XK: variants seen among roughly 807,000 people sequenced by gnomAD.
XK encodes the protein endoplasmic reticulum membrane adapter protein XK.
A neutral mutation model predicts 14.0 loss-of-function variants in XK; 2 were observed. The ratio of observed to expected loss-of-function variants is 0.14; its 90% CI spans 0.06 to 0.45. The LOEUF (loss-of-function observed/expected upper bound fraction) is 0.45. Ranked by LOEUF, XK falls within the 20% of genes least tolerant of loss-of-function variation. The pLI is 0.98. For missense variants in XK, 235 were observed against 341.5 expected (o/e 0.69, Z 2.46); for synonymous variants, 149 against 147.5 (o/e 1.01, Z -0.08).
At chrX:37,722,152 A>C (rs1556449090) in intron 2 of XK, among the ~76,000 whole-genome samples, 1 of 111,809 alleles carries the variant, frequency 8.9e-6, no homozygotes, top group Non-Finnish European at 1.9e-5. Context: ...AAAATCATTA[A>C]ATTGTTCACT....
chrX:37,713,787 T>A (rs1171938326), intron 2 of XK, among the ~76,000 whole-genome samples: 1 of 111,509 alleles, frequency 9.0e-6, no homozygotes, highest in East Asian at 2.8e-4. Context: ...AGCTTCATCC[T>A]CTTAACCCAA....
intron 2 of XK, among the ~76,000 whole-genome samples, chrX:37,709,103 T>G (rs1240152457): frequency 8.0e-5 from 9 of 112,146 alleles, no homozygotes; most frequent in African/African-American, 2.9e-4. Flanking sequence ...CTTCCCTTAT[T>G]TAATTCCACA....
chrX:37,692,772 TC>T (rs139557973), intron 1 of XK, among the ~76,000 whole-genome samples: 2,754 of 112,328 alleles, frequency 0.025, 39 homozygotes, highest in Non-Finnish European at 0.038. Context: ...CCTCATACAG[TC>T]CTCAGTCATT....
chrX:37,722,488 T>G, intron 2 of XK, among the ~76,000 whole-genome samples: 1 of 111,959 alleles, frequency 8.9e-6, no homozygotes, highest in African/African-American at 3.2e-5. Context: ...CTTTGTTCAC[T>G]GAGTTGAAAG....
chrX:37,707,243 G>A lies in XK; in HGVS notation c.508+12695G>A, dbSNP rs782800459. On this transcript the variant is annotated intron_variant, in intron 2 of 2. Transcript: ENST00000378616. ...GTGACCCCCACCTCCCGGACGGGGC[G>A]GCTGGCCGGGCGGGGGCTGACCCCC... is the stretch of plus-strand genomic sequence containing the variant. Among the ~76,000 whole-genome samples, 777 of 109,548 alleles carry A rather than the reference G, an allele frequency of 7.1e-3. 5 individuals are homozygous for A. The highest frequency in any genetic ancestry group is 0.025 in the African/African-American group (741 of 30,083).
intron 2 of XK, among the ~76,000 whole-genome samples, chrX:37,704,476 G>A (rs1435724403): frequency 9.0e-6 from 1 of 111,302 alleles, no homozygotes; most frequent in Non-Finnish European, 1.9e-5. Context: ...GTTCTGAGCT[G>A]CAGTGAGCTA....
At chrX:37,724,881 CAAATAAGCATATGA>C (rs1476316618) in intron 2 of XK, among the ~76,000 whole-genome samples, 7 of 110,313 alleles carry the variant, frequency 6.3e-5, no homozygotes, top group Admixed American at 3.9e-4. Context: ...GACAAGATGG[CAAATAAGCATATGA>C]AAATATACTC....
rs782254179 is a variant in XK at position 37,731,641 on chromosome X, C to T, written c.*3179C>T. The T allele has an allele frequency of 6.3e-5, 7 of 111,624 alleles. No homozygotes were observed. Among genetic ancestry groups the T allele is most frequent in the Admixed American group, 9.5e-5 (1 of 10,519 alleles). 9.2% of individuals were successfully genotyped at this position (111,624 alleles called of 1,213,427 possible). A position where few individuals can be genotyped will look rare whatever the true frequency, so the allele number is the denominator to read the frequency against. ...ATAAGTAGTGTCATTCATATGAGTT[C>T]CTGAGTGGATATGCGAATCTTTGGT... is the stretch of plus-strand genomic sequence containing the variant. On this transcript the variant is annotated 3_prime_UTR_variant, in exon 3 of 3. Transcript: ENST00000378616.
intron 2 of XK, among the ~76,000 whole-genome samples, chrX:37,726,332 A>G (rs1927972975): frequency 8.9e-6 from 1 of 112,172 alleles, no homozygotes; most frequent in Non-Finnish European, 1.9e-5. Flanking sequence ...ATTTCAAGAT[A>G]TTTTTAAAAA....
intron 2 of XK, among the ~76,000 whole-genome samples, chrX:37,722,492 T>C (rs1434198695): frequency 8.9e-6 from 1 of 111,766 alleles, no homozygotes; most frequent in Non-Finnish European, 1.9e-5. Flanking sequence ...GTTCACTGAG[T>C]TGAAAGAAAA....
At chrX:37,725,592 A>G (rs1290395891) in intron 2 of XK, among the ~76,000 whole-genome samples, 15 of 111,374 alleles carry the variant, frequency 1.3e-4, no homozygotes, top group African/African-American at 4.6e-4. Flanking sequence ...AATCACACCC[A>G]TTGGTATTTA....
At chrX:37,688,063 T>TTTC (rs1569472377) in intron 1 of XK, among the ~76,000 whole-genome samples, 8 of 39,526 alleles carry the variant, frequency 2.0e-4, no homozygotes, top group Non-Finnish European at 5.6e-4. Flanking sequence ...TTCTTTCTTT[T>TTTC]TTTTTTTTTT....
chrX:37,687,928 G>A (rs928004258), intron 1 of XK, among the ~76,000 whole-genome samples: 4 of 111,145 alleles, frequency 3.6e-5, no homozygotes, highest in Non-Finnish European at 5.7e-5. Context: ...ATTTAGTGAG[G>A]AGAGAGTTAG....
At chrX:37,693,907 G>A (rs782586311) in intron 1 of XK, among the ~76,000 whole-genome samples, 53 of 112,381 alleles carry the variant, frequency 4.7e-4, no homozygotes, top group Non-Finnish European at 7.9e-4. Flanking sequence ...ATAGTGGAGG[G>A]AATGTGCTGG....
intron 2 of XK, among the ~76,000 whole-genome samples, chrX:37,702,590 A>C (rs1238029256): frequency 8.9e-6 from 1 of 111,886 alleles, no homozygotes; most frequent in Non-Finnish European, 1.9e-5. Context: ...AAAGGAGGGT[A>C]CACATGATTA....
rs1928102658 is a variant in XK, at chrX:37,732,087, C to G, written c.*3625C>G. On this transcript the variant is annotated 3_prime_UTR_variant, in exon 3 of 3. Transcript: ENST00000378616. ...GTCGTTGATGCTAATAAATATTGTC[C>G]TGTTTCTTCATATAATAAATTAATT... 2 of 111,785 alleles carry G rather than the reference C, an allele frequency of 1.8e-5. No homozygotes were observed. Among genetic ancestry groups the G allele is most frequent in the African/African-American group, 6.5e-5 (2 of 30,840 alleles). 9.2% of individuals were successfully genotyped at this position (111,785 alleles called of 1,213,427 possible).
chrX:37,688,039 C>A (rs1556440626), intron 1 of XK, among the ~76,000 whole-genome samples: 1 of 68,723 alleles, frequency 1.5e-5, no homozygotes, highest in African/African-American at 6.4e-5. Flanking sequence ...TTCTTTCTTT[C>A]TTTCTTTCTT....
intron 2 of XK, among the ~76,000 whole-genome samples, chrX:37,699,603 A>G (rs781855388): frequency 1.8e-5 from 2 of 112,346 alleles, no homozygotes; most frequent in Admixed American, 9.4e-5. Flanking sequence ...GAAGAATGTA[A>G]ATGAGCTCAC....
At position 37,685,917 on chromosome X, in the gene XK, G is replaced by A. The variant is rs983709088; in HGVS notation, c.-45G>A. ...CCGCCGCCGCCACAGCCACACAGCC[G>A]CCGCCACTGCGTCCGTCCCCGGTGA... On this transcript the variant is annotated 5_prime_UTR_variant, in exon 1 of 3. Coordinates refer to ENST00000378616, the MANE Select transcript of XK (RefSeq NM_021083.4). The A allele has an allele frequency of 5.9e-6, 7 of 1,177,754 alleles. No homozygotes were observed. The highest frequency in any genetic ancestry group is 2.3e-5 in the Admixed American group (1 of 42,966).
Sources: gnomAD v4.1 joint callset for allele counts (sites outside exome capture counted in the v4.1 genomes callset) on GRCh38, gnomAD v4.1.1 for gene constraint, MANE v1.5 for transcripts, NCBI Gene and HGNC (gene_info 2026-07-23, HGNC 2026-07-21) for gene names.